Variants in RALYL observed in about 807,000 individuals in gnomAD.
The protein encoded by RALYL is RALY RNA binding protein like, also known as RNA-binding Raly-like protein.
A neutral mutation model predicts 35.1 loss-of-function variants in RALYL; 29 were observed. The ratio of observed to expected loss-of-function variants is 0.83; its 90% CI spans 0.61 to 1.13. The LOEUF (loss-of-function observed/expected upper bound fraction) is 1.13. Among genes scored for constraint, RALYL ranks in the 50% most tolerant of loss-of-function variants. RALYL has a pLI of 0.00. For missense variants in RALYL, 359 were observed against 360.4 expected (o/e 1.00, Z 0.03); for synonymous variants, 120 against 127.6 (o/e 0.94, Z 0.40).
intron 1 of RALYL, among the ~76,000 whole-genome samples, chr8:84,243,674 A>G (rs1048195075): frequency 7.2e-5 from 11 of 152,026 alleles, no homozygotes; most frequent in African/African-American, 2.7e-4. Flanking sequence ...CCCACCCTCC[A>G]TATGCATTTA....
chr8:84,372,912 TTTTAC>T (rs1474521287), intron 1 of RALYL, among the ~76,000 whole-genome samples: 56 of 140,138 alleles, frequency 4.0e-4, no homozygotes, highest in Non-Finnish European at 7.0e-4. Flanking sequence ...TTTTTTTTTT[TTTTAC>T]TTTTTAATAA....
intron 2 of RALYL, among the ~76,000 whole-genome samples, chr8:84,757,751 T>A (rs1206651784): frequency 6.6e-6 from 1 of 152,182 alleles, no homozygotes; most frequent in Non-Finnish European, 1.5e-5. Context: ...AATAGTCATA[T>A]TCAATCTGAA....
At chr8:84,219,122 G>A (rs10096382) in intron 1 of RALYL, among the ~76,000 whole-genome samples, 27,885 of 151,992 alleles carry the variant, frequency 0.18, 3,112 homozygotes, top group Non-Finnish European at 0.26. Context: ...GTACTGATAT[G>A]GTTATGCTTT....
rs150526000 is a variant in RALYL, at chr8:84,275,401, T to C, written c.-24+90977T>C. Among the ~76,000 whole-genome samples, 1,136 of 152,124 alleles carry C rather than the reference T, an allele frequency of 7.5e-3. 3 individuals carry two copies. Among genetic ancestry groups the C allele is most frequent in the Middle Eastern group, 0.014 (4 of 294 alleles). On this transcript the variant is annotated intron_variant, in intron 1 of 8. Coordinates refer to ENST00000521268, the MANE Select transcript of RALYL (RefSeq NM_173848.7). ...AAGCAACTTACATTTGTAAAATCAG[T>C]ACTAACTTTTTTGTTACTGCATTTT...
chr8:84,200,761 A>G (rs374404327), intron 1 of RALYL, among the ~76,000 whole-genome samples: 9 of 152,266 alleles, frequency 5.9e-5, no homozygotes, highest in African/African-American at 2.2e-4. Flanking sequence ...AAAGGCTTGA[A>G]AATGCATTCC....
chr8:84,665,242 C>T (rs1167590615), intron 2 of RALYL, among the ~76,000 whole-genome samples: 1 of 151,988 alleles, frequency 6.6e-6, no homozygotes, highest in Non-Finnish European at 1.5e-5. Flanking sequence ...AGGATTTTTG[C>T]ATTGATCTTC....
At chr8:84,540,884 G>A (rs1278822135) in intron 2 of RALYL, among the ~76,000 whole-genome samples, 1 of 151,370 alleles carries the variant, frequency 6.6e-6, no homozygotes, top group East Asian at 1.9e-4. Flanking sequence ...TGTCAGTTAT[G>A]GAAAAATGAG....
intron 2 of RALYL, among the ~76,000 whole-genome samples, chr8:84,623,928 G>T (rs1442353836): frequency 6.6e-6 from 1 of 152,176 alleles, no homozygotes; most frequent in Admixed American, 6.5e-5. Flanking sequence ...GGTACATGAG[G>T]TTGGTAGGTC....
chr8:84,314,199 G>T (rs1843329793), intron 1 of RALYL, among the ~76,000 whole-genome samples: 1 of 151,984 alleles, frequency 6.6e-6, no homozygotes, highest in Non-Finnish European at 1.5e-5. Context: ...GTACAACATG[G>T]GGAAAGCCAC....
At chr8:84,694,671 A>G (rs777375225) in intron 2 of RALYL, among the ~76,000 whole-genome samples, 1 of 151,944 alleles carries the variant, frequency 6.6e-6, no homozygotes, top group East Asian at 1.9e-4. Flanking sequence ...AAAAGAACAC[A>G]GCTGGAAGCA....
intron 4 of RALYL, among the ~76,000 whole-genome samples, chr8:84,848,310 T>C (rs1835071638): frequency 6.6e-6 from 1 of 152,022 alleles, no homozygotes. Flanking sequence ...TACATATATA[T>C]CTATAGGGGT....
intron 1 of RALYL, among the ~76,000 whole-genome samples, chr8:84,378,257 A>C (rs139034608): frequency 6.6e-6 from 1 of 151,956 alleles, no homozygotes; most frequent in African/African-American, 2.4e-5. Context: ...ATTTGGAGCT[A>C]TCTCTGGTGC....
chr8:84,787,077 G>T (rs549752175), intron 3 of RALYL, among the ~76,000 whole-genome samples: 2 of 152,152 alleles, frequency 1.3e-5, no homozygotes, highest in South Asian at 2.1e-4. Context: ...TGTTACATAG[G>T]TATACACATG....
chr8:84,665,037 G>C (rs759973398), intron 2 of RALYL, among the ~76,000 whole-genome samples: 26 of 152,068 alleles, frequency 1.7e-4, no homozygotes, highest in South Asian at 8.3e-4. Context: ...TAACATGAAG[G>C]GATGTTGAAT....
chr8:84,287,557 G>C (rs945986207), intron 1 of RALYL, among the ~76,000 whole-genome samples: 1 of 152,082 alleles, frequency 6.6e-6, no homozygotes, highest in Non-Finnish European at 1.5e-5. Flanking sequence ...CGAAAGAGGA[G>C]AGTGTAGGGA....
intron 1 of RALYL, among the ~76,000 whole-genome samples, chr8:84,435,649 A>G (rs2047634717): frequency 6.6e-6 from 1 of 152,110 alleles, no homozygotes; most frequent in African/African-American, 2.4e-5. Context: ...ATCTCAACAT[A>G]TCACAGAACT....
intron 2 of RALYL, among the ~76,000 whole-genome samples, chr8:84,761,587 T>C (rs549379441): frequency 4.6e-5 from 7 of 152,252 alleles, no homozygotes; most frequent in African/African-American, 1.7e-4. Context: ...AATTGCAAGA[T>C]CATCCTAACT....
chr8:84,229,814 C>G (rs1824899325), intron 1 of RALYL, among the ~76,000 whole-genome samples: 1 of 152,146 alleles, frequency 6.6e-6, no homozygotes, highest in African/African-American at 2.4e-5. Flanking sequence ...CAAGGTTGGG[C>G]ACAATTGTAG....
chr8:84,376,946 C>T (rs1210560784), intron 1 of RALYL, among the ~76,000 whole-genome samples: 1 of 151,742 alleles, frequency 6.6e-6, no homozygotes, highest in Non-Finnish European at 1.5e-5. Context: ...TGTTAAAATA[C>T]ATACAGTGAA....
Sources: allele counts gnomAD v4.1 joint callset (sites outside exome capture counted in the v4.1 genomes callset), GRCh38; gene constraint gnomAD v4.1.1; transcripts MANE v1.5; gene names NCBI Gene and HGNC (gene_info 2026-07-23, HGNC 2026-07-21).